Variants in RANBP2 observed in about 807,000 individuals in gnomAD.
The protein encoded by RANBP2 is RAN binding protein 2, also known as E3 SUMO-protein ligase RanBP2.
RANBP2 carries 57 observed loss-of-function variants against 303.6 expected under a neutral mutation model. The ratio of observed to expected loss-of-function variants is 0.19; its 90% confidence interval spans 0.15 to 0.23. The LOEUF is 0.23. RANBP2 is among the 10% of genes least tolerant of loss of function. The pLI is 1.00. For synonymous variants in RANBP2, 1,167 were observed against 1,301.5 expected, an observed-to-expected ratio of 0.90 and a Z score of 2.23; for missense variants, 3,138 against 3,780.8, an observed-to-expected ratio of 0.83 and a Z score of 4.46.
the RANBP2 span, among the ~76,000 whole-genome samples, chr2:109,708,456 A>G: frequency 1.4e-4 from 21 of 151,250 alleles, no homozygotes; most frequent in Non-Finnish European, 1.0e-4. Context: ...CCAGGAGTTC[A>G]AGAGCAGCCC....
chr2:109,440,182 T>A, the RANBP2 span, among the ~76,000 whole-genome samples: 1 of 152,138 alleles, frequency 6.6e-6, no homozygotes, highest in African/African-American at 2.4e-5. Flanking sequence ...AGAAGTCCAG[T>A]GTGTAGATGA....
the RANBP2 span, among the ~76,000 whole-genome samples, chr2:109,279,842 G>A: frequency 6.6e-6 from 1 of 152,130 alleles, no homozygotes; most frequent in Non-Finnish European, 1.5e-5. Context: ...GGGCTGGTGG[G>A]GCCTGCCCTG....
the RANBP2 span, among the ~76,000 whole-genome samples, chr2:109,210,816 C>A: frequency 6.6e-6 from 1 of 152,198 alleles, no homozygotes; most frequent in Non-Finnish European, 1.5e-5. Flanking sequence ...TGAGTCACTA[C>A]AAAATGTAGC....
At chr2:108,811,245 C>CT in the RANBP2 span, among the ~76,000 whole-genome samples, 2 of 109,626 alleles carry the variant, frequency 1.8e-5, no homozygotes, top group African/African-American at 4.2e-5. Context: ...CTTTCTCTCT[C>CT]TCTTTTTTTT....
At chr2:109,485,444 A>C in the RANBP2 span, among the ~76,000 whole-genome samples, 1 of 152,208 alleles carries the variant, frequency 6.6e-6, no homozygotes, top group African/African-American at 2.4e-5. Flanking sequence ...ATTGACCTTT[A>C]ACTGGCACTG....
chr2:109,437,004 G>A, the RANBP2 span: 1 of 1,613,846 alleles, frequency 6.2e-7, no homozygotes, highest in Non-Finnish European at 8.5e-7. Flanking sequence ...TGAGCAGCCT[G>A]GCCACTGCCA....
At chr2:108,810,431 A>G in the RANBP2 span, among the ~76,000 whole-genome samples, 1 of 152,164 alleles carries the variant, frequency 6.6e-6, no homozygotes, top group African/African-American at 2.4e-5. Flanking sequence ...TCATTCTGTT[A>G]TACTCTTCAT....
chr2:109,414,991 C>T, the RANBP2 span, among the ~76,000 whole-genome samples: 1 of 152,214 alleles, frequency 6.6e-6, no homozygotes, highest in Non-Finnish European at 1.5e-5. Flanking sequence ...CCACCGCAGC[C>T]ACAAAGGCCC....
chr2:109,494,004 A>G, the RANBP2 span, among the ~76,000 whole-genome samples: 2 of 152,070 alleles, frequency 1.3e-5, no homozygotes, highest in Non-Finnish European at 2.9e-5. Flanking sequence ...TGTTTTCCGG[A>G]TGGGTCCTGG....
Position 108,741,604 on chromosome 2 carries a change from C to T in RANBP2, c.975+923C>T, listed in dbSNP as rs574676090. On this transcript the variant is annotated intron_variant, in intron 7 of 28. Transcript: ENST00000283195. ...CCCTGCAAGCTCCACCTCCCGAGTTCACGCCATTTTCCTGCCTCAGCCTCC... is the reference window on the plus strand; with the variant it reads ...CCCTGCAAGCTCCACCTCCCGAGTTTACGCCATTTTCCTGCCTCAGCCTCC... Among the ~76,000 whole-genome samples the T allele has an allele frequency of 9.3e-5, 13 of 139,142 alleles. No homozygotes were observed. In the East Asian group the frequency reaches 3.2e-3, roughly 34 times the overall value. 91.3% of individuals were successfully genotyped at this position (139,142 alleles called of 152,430 possible).
intron 7 of RANBP2, among the ~76,000 whole-genome samples, chr2:108,745,789 TGTC>T (rs916960699): frequency 8.5e-5 from 13 of 152,320 alleles, no homozygotes; most frequent in African/African-American, 3.1e-4. Flanking sequence ...CATCTGCTGT[TGTC>T]CTATTTATGC....
intron 12 of RANBP2, among the ~76,000 whole-genome samples, chr2:108,752,623 AAAAAAAAAAAAAAG>A (rs1235253276): frequency 1.4e-5 from 2 of 140,802 alleles, no homozygotes; most frequent in South Asian, 2.2e-4. Context: ...AATACAAAAA[AAAAAAAAAAAAAAG>A]AAAAAATTAG....
the RANBP2 span, among the ~76,000 whole-genome samples, chr2:109,215,265 G>A: frequency 6.6e-6 from 1 of 152,206 alleles, no homozygotes; most frequent in Non-Finnish European, 1.5e-5. Flanking sequence ...GGGTAGGGGA[G>A]AAGGCCACTT....
At chr2:109,548,355 G>A in the RANBP2 span, among the ~76,000 whole-genome samples, 1 of 152,136 alleles carries the variant, frequency 6.6e-6, no homozygotes, top group South Asian at 2.1e-4. Context: ...GTAGAAACCT[G>A]GCATTCATGC....
At chr2:109,617,962 T>C in the RANBP2 span, 2 of 163,248 alleles carry the variant, frequency 1.2e-5, no homozygotes, top group East Asian at 1.9e-4. Flanking sequence ...GAGGTTGCAG[T>C]TGAGCCAAGA....
chr2:109,068,772 T>C, the RANBP2 span, among the ~76,000 whole-genome samples: 1 of 152,196 alleles, frequency 6.6e-6, no homozygotes, highest in Admixed American at 6.5e-5. Flanking sequence ...TTCGTTGAGT[T>C]GGAATACCAT....
the RANBP2 span, among the ~76,000 whole-genome samples, chr2:109,461,083 A>G: frequency 6.6e-6 from 1 of 152,234 alleles, no homozygotes; most frequent in Non-Finnish European, 1.5e-5. Context: ...AGTGGTGACC[A>G]TAGGCATTTT....
At chr2:109,389,266 G>C in the RANBP2 span, among the ~76,000 whole-genome samples, 79,269 of 152,108 alleles carry the variant, frequency 0.52, 21,118 homozygotes, top group South Asian at 0.61. Context: ...GCCAGGCCCC[G>C]CTCCTTGTGC....
chr2:108,783,989 T>C lies in RANBP2; in HGVS notation c.*88T>C. The C allele has an allele frequency of 7.8e-7, 1 of 1,289,018 alleles. No homozygotes were observed. Among genetic ancestry groups the C allele is most frequent in the Non-Finnish European group, 1.1e-6 (1 of 922,172 alleles). 79.8% of individuals were successfully genotyped at this position (1,289,018 alleles called of 1,614,324 possible). On this transcript the variant is annotated 3_prime_UTR_variant, in exon 29 of 29. Coordinates refer to ENST00000283195, the MANE Select transcript of RANBP2 (RefSeq NM_006267.5). Reference sequence around the variant, plus strand: ...CAATTTGATAGTTATGTTCAGCTTTTGAAAATGGACGTTTCCGATTTACAA... The same window carrying C: ...CAATTTGATAGTTATGTTCAGCTTTCGAAAATGGACGTTTCCGATTTACAA...
Sources: allele counts gnomAD v4.1 joint callset (sites outside exome capture counted in the v4.1 genomes callset), GRCh38; gene constraint gnomAD v4.1.1; transcripts MANE v1.5; gene names NCBI Gene and HGNC (gene_info 2026-07-23, HGNC 2026-07-21).